The following DAB2 variants were observed in gnomAD, a reference collection of about 807,000 sequenced individuals.
DAB2 encodes the protein DAB adaptor protein 2.
Under a neutral mutation model 71.6 loss-of-function variants are expected in DAB2, and 28 were observed. The observed-to-expected ratio is 0.39, with a 90% CI of 0.29 to 0.54. DAB2 has a LOEUF of 0.54. Among genes scored for constraint, DAB2 ranks in the 20% least tolerant of loss-of-function variants. The probability of loss-of-function intolerance (pLI) is 0.68; values close to 1 mark genes in which losing one functional copy is unlikely to be tolerated. For missense variants in DAB2, 867 were observed against 928.8 expected (o/e 0.93, Z 0.86); for synonymous variants, 345 against 339.7 (o/e 1.02, Z -0.17).
intron 1 of DAB2, among the ~76,000 whole-genome samples, chr5:39,403,716 A>AT (rs60449035): frequency 0.13 from 18,231 of 135,226 alleles, 2,807 homozygotes; most frequent in African/African-American, 0.37. Context: ...TTTTTTTGGA[A>AT]TTTTTTTTTT....
chr5:39,398,496 A>G (rs1275737759), intron 1 of DAB2, among the ~76,000 whole-genome samples: 1 of 152,216 alleles, frequency 6.6e-6, no homozygotes, highest in Non-Finnish European at 1.5e-5. Flanking sequence ...ACAAGGAAGA[A>G]AAAAATAAGG....
chr5:39,406,087 AG>A (rs1755603474), intron 1 of DAB2, among the ~76,000 whole-genome samples: 1 of 152,184 alleles, frequency 6.6e-6, no homozygotes, highest in Non-Finnish European at 1.5e-5. Context: ...ACAAGTCTAT[AG>A]AGTAAGCTGA....
intron 6 of DAB2, 88 bp from the exon 7 acceptor site, chr5:39,389,211 G>A (rs927400088): frequency 6.1e-6 from 6 of 986,084 alleles, no homozygotes; most frequent in East Asian, 2.4e-5. Flanking sequence ...TGGTTCACAG[G>A]CATAAGGCAA....
In DAB2 at chr5:39,393,298, C is replaced by G. The variant is rs752071599; in HGVS notation, c.187G>C (p.Ala63Pro). The G allele has an allele frequency of 5.0e-6, 8 of 1,613,896 alleles. No individual in the cohort carries two copies. The highest frequency in any genetic ancestry group is 6.8e-6 in the Non-Finnish European group (8 of 1,179,954). Reference sequence around the variant, plus strand: ...TCTTGGCTCATTTTATCCCCTCTTGCATCTGGCACATCATCAATGCCAATC... The same window carrying G: ...TCTTGGCTCATTTTATCCCCTCTTGGATCTGGCACATCATCAATGCCAATC... ...KLIGIDDVPD[A>P]RGDKMSQDSM... Residue 63 changes from alanine to proline, a missense_variant, in exon 3 of 15, where the codon GCA (alanine) becomes CCA (proline). Coordinates refer to ENST00000320816, the MANE Select transcript of DAB2 (RefSeq NM_001343.4).
At chr5:39,405,703 G>T (rs762376394) in intron 1 of DAB2, among the ~76,000 whole-genome samples, 6 of 152,234 alleles carry the variant, frequency 3.9e-5, no homozygotes, top group Admixed American at 2.6e-4. Context: ...CTATGCCCAT[G>T]CATAATTCTT....
chr5:39,411,603 T>A (rs1755731341), intron 1 of DAB2, among the ~76,000 whole-genome samples: 1 of 152,222 alleles, frequency 6.6e-6, no homozygotes, highest in Admixed American at 6.5e-5. Flanking sequence ...TGTAGGCATT[T>A]TTAGCATCAG....
intron 2 of DAB2, 104 bp from the exon 3 acceptor site, chr5:39,393,497 A>C: frequency 8.7e-7 from 1 of 1,143,398 alleles, no homozygotes; most frequent in Non-Finnish European, 1.3e-6. Flanking sequence ...TGATTATACT[A>C]CAACTGATCA....
At chr5:39,414,225 T>C (rs781231930) in intron 1 of DAB2, among the ~76,000 whole-genome samples, 1 of 152,072 alleles carries the variant, frequency 6.6e-6, no homozygotes, top group Non-Finnish European at 1.5e-5. Flanking sequence ...ATTTTAGCAT[T>C]TTAAAGAGCC....
Position 39,375,054 on chromosome 5 carries a change from T to A in DAB2, c.2278A>T (p.Met760Leu), listed in dbSNP as rs1754791312. Residue 760 changes from methionine to leucine, a missense_variant, in exon 14 of 15, where the codon ATG becomes TTG. Around this residue, in one of 2 missense-constraint regions of DAB2, gnomAD observed 740 missense variants for 734.3 expected, o/e 1.01. Coordinates refer to ENST00000320816, the MANE Select transcript of DAB2 (RefSeq NM_001343.4). Reference protein sequence around the residue: ...VASSQPVSSEMYRDPFGNPFA With the variant: ...VASSQPVSSELYRDPFGNPFA ...GGATTTCCAAATGGATCCCTATACA[T>A]CTCAGAAGATACAGGTTGAGAAGAA... is the stretch of plus-strand genomic sequence containing the variant. 6.2e-7 allele frequency: 1 copy of A among 1,611,902 alleles called. No homozygotes were observed. The highest frequency in any genetic ancestry group is 8.5e-7 in the Non-Finnish European group (1 of 1,178,576).
At chr5:39,424,512 C>CG (rs1756059603) in intron 1 of DAB2, among the ~76,000 whole-genome samples, 2 of 134,694 alleles carry the variant, frequency 1.5e-5, no homozygotes, top group African/African-American at 2.8e-5. Context: ...CACACACACA[C>CG]ACACACACAC....
At chr5:39,404,460 T>TAAAAAAAA (rs574569850) in intron 1 of DAB2, among the ~76,000 whole-genome samples, 3 of 127,252 alleles carry the variant, frequency 2.4e-5, no homozygotes, top group Non-Finnish European at 5.0e-5. Flanking sequence ...TATTATTATC[T>TAAAAAAAA]AAAAAAAAAA....
In DAB2 at chr5:39,422,472, T is replaced by C. The variant is rs1362976424; in HGVS notation, c.-102+2332A>G. Among the ~76,000 whole-genome samples, 3 of 152,112 alleles carry C rather than the reference T, an allele frequency of 2.0e-5. No individual in the cohort carries two copies. Among genetic ancestry groups the C allele is most frequent in the African/African-American group, 7.2e-5 (3 of 41,422 alleles). ...TAATTAAATCCTCAGGTCAAAAGAA[T>C]GAGGAAGAGAAACACGCAGAGCCTT... On this transcript the variant is annotated intron_variant, in intron 1 of 14. Coordinates refer to ENST00000320816, the MANE Select transcript of DAB2 (RefSeq NM_001343.4). The surrounding 1 kb of genome is among the most constrained non-coding windows in gnomAD (Gnocchi z 4.1).
chr5:39,407,360 C>T (rs1422834312), intron 1 of DAB2, among the ~76,000 whole-genome samples: 3 of 152,208 alleles, frequency 2.0e-5, no homozygotes, highest in Non-Finnish European at 2.9e-5. Flanking sequence ...GTCGGGACTA[C>T]AGGTGCTTGC....
chr5:39,407,804 A>T (rs1755640975), intron 1 of DAB2, among the ~76,000 whole-genome samples: 1 of 152,244 alleles, frequency 6.6e-6, no homozygotes, highest in South Asian at 2.1e-4. Flanking sequence ...AAGAGTTTTT[A>T]AAAAGCATGT....
At chr5:39,381,069 G>A (rs570350270) in intron 11 of DAB2, among the ~76,000 whole-genome samples, 16 of 152,266 alleles carry the variant, frequency 1.1e-4, no homozygotes, top group African/African-American at 3.6e-4. Flanking sequence ...ATAGGCCTTC[G>A]ATCTATTATG....
chr5:39,399,364 T>C (rs537134058), intron 1 of DAB2, among the ~76,000 whole-genome samples: 17 of 152,222 alleles, frequency 1.1e-4, no homozygotes, highest in Non-Finnish European at 1.8e-4. Flanking sequence ...TAGTTTGTTA[T>C]CCTGGTTCTC....
intron 1 of DAB2, among the ~76,000 whole-genome samples, chr5:39,411,781 C>T (rs983570081): frequency 2.6e-5 from 4 of 152,160 alleles, no homozygotes; most frequent in African/African-American, 9.7e-5. Flanking sequence ...TGACCAAGCC[C>T]TTCCATTCTC....
chr5:39,392,251 T>C (rs895945865), intron 4 of DAB2, 114 bp downstream of exon 4: 22 of 752,904 alleles, frequency 2.9e-5, no homozygotes, highest in Non-Finnish European at 4.8e-5. Context: ...TAATATATGA[T>C]ATATTTGTTC....
Position 39,376,907 on chromosome 5 carries a change from C to T in DAB2, c.1880G>A (p.Gly627Asp). The T allele has an allele frequency of 6.2e-7, 1 of 1,614,054 alleles. No homozygotes were observed. Among genetic ancestry groups the T allele is most frequent in the Non-Finnish European group, 8.5e-7 (1 of 1,179,986 alleles). ...ATCACTGGAGATGTCCTTGGGAGGG[C>T]CAGCTCTGGGAGGTGGCTGAGGAGG... is the stretch of plus-strand genomic sequence containing the variant. ...VTPPQPPPRA[G>D]PPKDISSDAF... Residue 627 changes from glycine (G) to aspartate (D), a missense_variant, in exon 12 of 15, where the codon GGC becomes GAC. Physicochemically the swap from Gly to Asp is moderately conservative, Grantham distance 94. Transcript: ENST00000320816.
Sources: allele counts gnomAD v4.1 joint callset (sites outside exome capture counted in the v4.1 genomes callset), GRCh38; gene constraint gnomAD v4.1.1; regional missense constraint gnomAD v4.1.1; non-coding constraint Gnocchi (gnomAD v3.1); transcripts MANE v1.5; gene names NCBI Gene and HGNC (gene_info 2026-07-23, HGNC 2026-07-21).